Variants in LMO7 observed in about 807,000 individuals in gnomAD.
LMO7 encodes LIM domain only protein 7.
In LMO7, 120 loss-of-function variants were observed where a neutral mutation model predicts 206.5. The ratio of observed to expected loss-of-function variants is 0.58; its 90% CI spans 0.50 to 0.68. LMO7 has a LOEUF of 0.68. Among genes scored for constraint, LMO7 ranks in the 30% least tolerant of loss-of-function variants. The pLI, the probability that LMO7 is intolerant of heterozygous loss-of-function variation, is 0.00. For synonymous variants in LMO7, 706 were observed against 681.5 expected (o/e 1.04, Z -0.56); for missense variants, 1,959 against 1,957.9 (o/e 1.00, Z -0.01).
Position 75,720,962 on chromosome 13 carries a change from C to T in LMO7, c.141-6067C>T, listed in dbSNP as rs117829620. On this transcript the variant is annotated intron_variant, in intron 2 of 30. Coordinates refer to ENST00000377534, the MANE Select transcript of LMO7 (RefSeq NM_001306080.2). ...AATTATATATACTGGTTATTTTACT[C>T]ATGGACATGTGATTACTTATTTTAA... 2.0e-4 allele frequency among the ~76,000 whole-genome samples: 30 copies of T among 152,204 alleles called. No individual in the cohort carries two copies. In the East Asian group the frequency reaches 5.2e-3, roughly 26 times the overall value.
chr13:75,715,459 C>T lies in LMO7; in HGVS notation c.140+2207C>T, dbSNP rs191444031. On this transcript the variant is annotated intron_variant, in intron 2 of 30. Transcript: ENST00000377534. ...ATATTGTTTTCTAATTGGAATTTTT[C>T]TAATTTGGATTTTGTGCATTGCCAC... is the stretch of plus-strand genomic sequence containing the variant. Among the ~76,000 whole-genome samples the T allele has an allele frequency of 1.4e-4, 22 of 152,274 alleles. No homozygotes were observed. In the East Asian group the frequency reaches 3.5e-3, roughly 24 times the overall value.
At chr13:75,645,234 T>C (rs983760115) in intron 1 of LMO7, among the ~76,000 whole-genome samples, 1 of 152,236 alleles carries the variant, frequency 6.6e-6, no homozygotes, top group African/African-American at 2.4e-5. Flanking sequence ...AGGATACTTT[T>C]TAGTTAGTGT....
intron 1 of LMO7, among the ~76,000 whole-genome samples, chr13:75,664,868 T>C (rs1423088514): frequency 6.6e-6 from 1 of 152,224 alleles, no homozygotes; most frequent in African/African-American, 2.4e-5. Flanking sequence ...TAGATTTTTA[T>C]ATTTATTGAT....
intron 1 of LMO7, among the ~76,000 whole-genome samples, chr13:75,710,039 C>T (rs2042963907): frequency 1.3e-5 from 2 of 152,180 alleles, no homozygotes; most frequent in African/African-American, 4.8e-5. Flanking sequence ...TTCCCAGCAC[C>T]ATTTATTAAA....
At chr13:75,760,825 G>A (rs568909389) in intron 3 of LMO7, 107 bp from the exon 4 acceptor site, 3 of 1,556,874 alleles carry the variant, frequency 1.9e-6, no homozygotes, top group Non-Finnish European at 2.6e-6. Flanking sequence ...TGCCTCTTTT[G>A]CTGACTGTAA....
At chr13:75,765,648 A>C (rs2139844015) in intron 4 of LMO7, among the ~76,000 whole-genome samples, 1 of 152,262 alleles carries the variant, frequency 6.6e-6, no homozygotes, top group African/African-American at 2.4e-5. Context: ...ATGTATGGTC[A>C]AATTTGGAAA....
chr13:75,819,351 A>G, intron 12 of LMO7, 42 bp from the exon 13 acceptor site: 1 of 1,553,390 alleles, frequency 6.4e-7, no homozygotes, highest in Non-Finnish European at 8.6e-7. Flanking sequence ...AAGGGTGTAT[A>G]GAAATTCAGG....
At chr13:75,709,756 C>T (rs1449329936) in intron 1 of LMO7, among the ~76,000 whole-genome samples, 1 of 152,124 alleles carries the variant, frequency 6.6e-6, no homozygotes, top group East Asian at 1.9e-4. Context: ...GTTGCCTGTT[C>T]ACTCTGATGG....
intron 1 of LMO7, among the ~76,000 whole-genome samples, chr13:75,698,627 G>A (rs2137862230): frequency 6.6e-6 from 1 of 150,896 alleles, no homozygotes; most frequent in East Asian, 1.9e-4. Flanking sequence ...TTCGGGGAGG[G>A]GTAGGCATTT....
intron 8 of LMO7, chr13:75,804,999 C>G: frequency 1.0e-6 from 1 of 999,870 alleles, no homozygotes; most frequent in South Asian, 4.5e-5. Flanking sequence ...ACGAAGGTTT[C>G]CTGACATAGT....
chr13:75,727,254 G>T (rs1237411540), intron 3 of LMO7, among the ~76,000 whole-genome samples, 156 bp downstream of exon 3: 1 of 151,902 alleles, frequency 6.6e-6, no homozygotes, highest in African/African-American at 2.4e-5. Context: ...CCTTTTATCT[G>T]CAGTTCCTTT....
intron 1 of LMO7, among the ~76,000 whole-genome samples, chr13:75,662,477 C>T (rs1489586368): frequency 6.6e-6 from 1 of 152,154 alleles, no homozygotes; most frequent in East Asian, 1.9e-4. Flanking sequence ...TGCCCCCACA[C>T]CTGGCTAATT....
In LMO7 at chr13:75,804,522, G is replaced by T; in HGVS notation, c.895G>T (p.Ala299Ser). The change falls in exon 8 of 31, where the codon GCA (alanine) becomes TCA (serine). Residue 299 changes from alanine to serine, a missense_variant. Coordinates refer to ENST00000377534, the MANE Select transcript of LMO7 (RefSeq NM_001306080.2). ...RSWASPVYTEADGTFSSNQRR... is the reference protein window; with the variant it reads ...RSWASPVYTESDGTFSSNQRR... ...TTGGGCAAGCCCGGTTTATACAGAAGCAGATGGAACATTTTCAAGGTACTG... is the reference window on the plus strand; with the variant it reads ...TTGGGCAAGCCCGGTTTATACAGAATCAGATGGAACATTTTCAAGGTACTG... 1 of 1,613,914 alleles carries T rather than the reference G, an allele frequency of 6.2e-7. No homozygotes were observed. The highest frequency in any genetic ancestry group is 8.5e-7 in the Non-Finnish European group (1 of 1,179,940).
intron 19 of LMO7, among the ~76,000 whole-genome samples, chr13:75,836,661 A>G (rs899979249): frequency 2.6e-5 from 4 of 152,236 alleles, no homozygotes; most frequent in Admixed American, 6.5e-5. Context: ...CACTGCAAAC[A>G]AAGCTTTGGC....
intron 4 of LMO7, among the ~76,000 whole-genome samples, chr13:75,777,223 T>C (rs2050629926): frequency 6.6e-6 from 1 of 152,246 alleles, no homozygotes; most frequent in Non-Finnish European, 1.5e-5. Flanking sequence ...ATATGAATGG[T>C]ACTTTGTTTA....
At position 75,737,797 on chromosome 13, in the gene LMO7, A is replaced by AC. The variant is rs1330639740; in HGVS notation, c.210+10699_210+10700insC. On this transcript the variant is annotated intron_variant, in intron 3 of 30. Coordinates refer to ENST00000377534, the MANE Select transcript of LMO7 (RefSeq NM_001306080.2). Reference sequence around the variant, plus strand: ...TAAAATAAAATAAAAAAAAAAAAAAAAAAACTTTTTACTTTGAAATAAATA... The same window carrying AC: ...TAAAATAAAATAAAAAAAAAAAAAAACAAAACTTTTTACTTTGAAATAAATA... Among the ~76,000 whole-genome samples, 514 of 134,460 alleles carry AC rather than the reference A, an allele frequency of 3.8e-3. 13 individuals are homozygous for AC. The highest frequency in any genetic ancestry group is 6.1e-3 in the Non-Finnish European group (384 of 62,864). The allele number at this position is 134,460 out of a possible 152,430, so 88.2% of individuals were successfully genotyped here. A position where few individuals can be genotyped will look rare whatever the true frequency, so the allele number is the denominator to read the frequency against.
At chr13:75,831,750 A>C (rs752675033) in intron 15 of LMO7, among the ~76,000 whole-genome samples, 2 of 152,152 alleles carry the variant, frequency 1.3e-5, no homozygotes, top group Non-Finnish European at 2.9e-5. Context: ...CTCCCATGAG[A>C]CTGCATTAAT....
At chr13:75,743,880 A>T (rs569688966) in intron 3 of LMO7, among the ~76,000 whole-genome samples, 2 of 152,316 alleles carry the variant, frequency 1.3e-5, no homozygotes, top group South Asian at 4.1e-4. Context: ...CACTAAAAAA[A>T]TGACATTTTT....
chr13:75,782,460 A>C (rs138389166), intron 4 of LMO7, among the ~76,000 whole-genome samples: 3 of 152,374 alleles, frequency 2.0e-5, no homozygotes, highest in Non-Finnish European at 4.4e-5. Flanking sequence ...AACACTGAAT[A>C]TAGAACTGCA....
Sources: gnomAD v4.1 joint callset for allele counts (sites outside exome capture counted in the v4.1 genomes callset) on GRCh38, gnomAD v4.1.1 for gene constraint, MANE v1.5 for transcripts, NCBI Gene and HGNC (gene_info 2026-07-23, HGNC 2026-07-21) for gene names.